The following FCRL2 variants were observed in gnomAD, a reference collection of about 807,000 sequenced individuals.
FCRL2 encodes Fc receptor-like protein 2.
Under a neutral mutation model 59.8 loss-of-function variants are expected in FCRL2, and 48 were observed. The observed-to-expected ratio is 0.80, with a 90% confidence interval of 0.64 to 1.02. FCRL2 has a LOEUF of 1.02. Ranked by LOEUF, FCRL2 falls within the 50% of genes least tolerant of loss-of-function variation. The probability of loss-of-function intolerance (pLI) is 0.00; values close to 1 mark genes in which losing one functional copy is unlikely to be tolerated. For synonymous variants in FCRL2, 251 were observed against 229.5 expected, an observed-to-expected ratio of 1.09 and a Z score of -0.85; for missense variants, 658 against 597.3, an observed-to-expected ratio of 1.10 and a Z score of -1.06.
At chr1:157,775,546 A>G (rs1414278400) in intron 2 of FCRL2, among the ~76,000 whole-genome samples, 1 of 152,222 alleles carries the variant, frequency 6.6e-6, no homozygotes, top group Non-Finnish European at 1.5e-5. Context: ...CCAGGCTTTT[A>G]AGGAAGAGGC....
intron 10 of FCRL2, 24 bp from the exon 11 acceptor site, chr1:157,746,923 C>G (rs1455776355): frequency 6.2e-7 from 1 of 1,610,852 alleles, no homozygotes; most frequent in Non-Finnish European, 8.5e-7. Context: ...AGTAATAGTT[C>G]TGAGCTCTTG....
intron 7 of FCRL2, among the ~76,000 whole-genome samples, chr1:157,750,334 A>G (rs925612834): frequency 6.6e-6 from 1 of 152,246 alleles, no homozygotes; most frequent in African/African-American, 2.4e-5. Context: ...ACATAGATGT[A>G]TATAGAGGCC....
At chr1:157,766,332 G>T (rs571808833) in intron 7 of FCRL2, among the ~76,000 whole-genome samples, 194 of 152,216 alleles carry the variant, frequency 1.3e-3, no homozygotes, top group Admixed American at 2.2e-3. Flanking sequence ...TTAGCCGGGT[G>T]TGGTGGCGGG....
Position 157,770,532 on chromosome 1 carries a change from T to C in FCRL2, c.187A>G (p.Lys63Glu). ...KDNKELSVFKKFSDFLIQSAV... is the reference protein window; with the variant it reads ...KDNKELSVFKEFSDFLIQSAV... ...CTTTGGATAAGGAAATCTGAGAATTTTTTGAAAACAGATAACTCTTTGTTA... is the reference window on the plus strand; with the variant it reads ...CTTTGGATAAGGAAATCTGAGAATTCTTTGAAAACAGATAACTCTTTGTTA... The change falls in exon 3 of 12, where the codon AAA becomes GAA. Residue 63 changes from lysine (K) to glutamate (E), a missense_variant. Coordinates refer to ENST00000361516, the MANE Select transcript of FCRL2 (RefSeq NM_030764.4). The C allele has an allele frequency of 6.2e-7, 1 of 1,614,244 alleles. No individual in the cohort carries two copies. The highest frequency in any genetic ancestry group is 1.1e-5 in the South Asian group (1 of 91,084).
At chr1:157,750,186 T>C (rs1408183443) in intron 7 of FCRL2, among the ~76,000 whole-genome samples, 1 of 152,224 alleles carries the variant, frequency 6.6e-6, no homozygotes, top group Non-Finnish European at 1.5e-5. Context: ...TCTTGTACCA[T>C]TTTGCTTTGT....
At chr1:157,769,540 G>C in intron 4 of FCRL2, 1 of 220,334 alleles carries the variant, frequency 4.5e-6, no homozygotes, top group Non-Finnish European at 9.3e-6. Context: ...CCTTTCTCCT[G>C]CCTCAGCCTC....
At chr1:157,773,157 ATC>A (rs1254384090) in intron 2 of FCRL2, among the ~76,000 whole-genome samples, 1 of 152,118 alleles carries the variant, frequency 6.6e-6, no homozygotes, top group African/African-American at 2.4e-5. Context: ...TTTCTACCAG[ATC>A]TCTCTCTTGT....
Position 157,765,655 on chromosome 1 carries a change from T to C in FCRL2, c.1279+1200A>G, listed in dbSNP as rs117980891. On this transcript the variant is annotated intron_variant, in intron 7 of 11. Coordinates refer to ENST00000361516, the MANE Select transcript of FCRL2 (RefSeq NM_030764.4). ...GCCAAGAAGCTTGTGCTTTTGACAG[T>C]GTTGTGGGGTTTGGAGACATAGCAG... 1.7e-4 allele frequency among the ~76,000 whole-genome samples: 26 copies of C among 152,248 alleles called. No individual in the cohort carries two copies. The East Asian group carries it at 4.8e-3, about 28-fold the overall frequency.
intron 2 of FCRL2, among the ~76,000 whole-genome samples, chr1:157,771,624 C>T (rs1650030159): frequency 6.6e-6 from 1 of 152,190 alleles, no homozygotes; most frequent in Non-Finnish European, 1.5e-5. Flanking sequence ...ATGTCCTCCC[C>T]AGAGGTTGTT....
chr1:157,776,694 G>A (rs1384630489), intron 1 of FCRL2, among the ~76,000 whole-genome samples: 9 of 152,186 alleles, frequency 5.9e-5, no homozygotes, highest in East Asian at 5.8e-4. Context: ...TTGAATAATC[G>A]GTGTTCATGG....
intron 7 of FCRL2, among the ~76,000 whole-genome samples, chr1:157,764,782 G>A (rs1431428636): frequency 6.6e-6 from 1 of 152,152 alleles, no homozygotes; most frequent in Non-Finnish European, 1.5e-5. Context: ...AATGAAAATT[G>A]AAACGTAACA....
intron 10 of FCRL2, among the ~76,000 whole-genome samples, 199 bp from the exon 11 acceptor site, chr1:157,747,098 C>A (rs1191807780): frequency 6.6e-6 from 1 of 152,204 alleles, no homozygotes; most frequent in Non-Finnish European, 1.5e-5. Context: ...CCTCCACCAG[C>A]ACTTACTAAC....
intron 7 of FCRL2, among the ~76,000 whole-genome samples, chr1:157,762,140 G>A (rs961115513): frequency 8.5e-5 from 13 of 152,144 alleles, no homozygotes; most frequent in African/African-American, 2.4e-4. Flanking sequence ...CCACCACGAC[G>A]GCACCTAACA....
At chr1:157,758,680 CAAA>C (rs59716565) in intron 7 of FCRL2, among the ~76,000 whole-genome samples, 1 of 55,400 alleles carries the variant, frequency 1.8e-5, no homozygotes, top group Non-Finnish European at 3.4e-5. Context: ...CAGTCCCAAG[CAAA>C]AAAAAAAAAA....
At chr1:157,775,641 G>C in intron 2 of FCRL2, 134 bp downstream of exon 2, 1 of 910,262 alleles carries the variant, frequency 1.1e-6, no homozygotes, top group Non-Finnish European at 1.7e-6. Flanking sequence ...CGTGACCTCA[G>C]AACATGTCAG....
chr1:157,770,659 C>T lies in FCRL2; in HGVS notation c.60G>A (p.Leu20=). 2 of 1,613,960 alleles carry T rather than the reference C, an allele frequency of 1.2e-6. No individual in the cohort carries two copies. The highest frequency in any genetic ancestry group is 1.7e-6 in the Non-Finnish European group (2 of 1,179,950). The change falls in exon 3 of 12, where the codon CTG becomes CTA. Residue 20 remains leucine, a synonymous_variant. Transcript: ENST00000361516. The part of the protein sequence containing the change: ...FDAVTEQADS[L]TLVAPSSVFE... ...AGACAGAAGAGGGCGCCACAAGGGT[C>T]AGCGAATCTGGAAGAGAAGGAGGGA... is the stretch of plus-strand genomic sequence containing the variant.
At position 157,770,572 on chromosome 1, in the gene FCRL2, C is replaced by T; in HGVS notation, c.147G>A (p.Met49Ile). The change falls in exon 3 of 12, where the codon ATG (methionine) becomes ATA (isoleucine). Residue 49 changes from methionine to isoleucine, a missense_variant. Coordinates refer to ENST00000361516, the MANE Select transcript of FCRL2 (RefSeq NM_030764.4). ...ACTCTTTGTTATCCTTATGGTAAGC[C>T]ATCTTCTGAATTTTCCAGTTCTGTT... ...QGEQNWKIQK[M>I]AYHKDNKELS... The T allele has an allele frequency of 6.2e-7, 1 of 1,614,166 alleles. No homozygotes were observed. The highest frequency in any genetic ancestry group is 8.5e-7 in the Non-Finnish European group (1 of 1,180,026).
At chr1:157,760,666 GGAAGGAAGGAAGGAAA>G (rs2101706941) in intron 7 of FCRL2, among the ~76,000 whole-genome samples, 1 of 113,032 alleles carries the variant, frequency 8.8e-6, no homozygotes, top group South Asian at 2.7e-4. Flanking sequence ...AAGGAAGGAA[GGAAGGAAGGAAGGAAA>G]GAAAGAAAGA....
chr1:157,770,715 A>T, intron 2 of FCRL2, 49 bp from the exon 3 acceptor site: 1 of 1,604,096 alleles, frequency 6.2e-7, no homozygotes. Flanking sequence ...CAGAGAACCC[A>T]GACAGACTCC....
Sources: gnomAD v4.1 joint callset for allele counts (sites outside exome capture counted in the v4.1 genomes callset) on GRCh38, gnomAD v4.1.1 for gene constraint, MANE v1.5 for transcripts, NCBI Gene and HGNC (gene_info 2026-07-23, HGNC 2026-07-21) for gene names.